The following FCN2 variants were observed in gnomAD, a reference collection of about 807,000 sequenced individuals.
The protein encoded by FCN2 is ficolin 2, also known as ficolin-2.
FCN2 carries 31 observed loss-of-function variants against 32.5 expected under a neutral mutation model. The ratio of observed to expected loss-of-function variants is 0.96; its 90% CI spans 0.72 to 1.29. The LOEUF is 1.29. FCN2 is among the 50% of genes most tolerant of loss of function. FCN2 has a pLI of 0.00. For synonymous variants in FCN2, 181 were observed against 164.5 expected (o/e 1.10, Z -0.77); for missense variants, 412 against 406.5 (o/e 1.01, Z -0.12).
At position 134,887,512 on chromosome 9, in the gene FCN2, C is replaced by G; in HGVS notation, c.*97C>G. The G allele has an allele frequency of 8.4e-7, 1 of 1,192,288 alleles. No homozygotes were observed. Among genetic ancestry groups the G allele is most frequent in the Non-Finnish European group, 1.2e-6 (1 of 819,216 alleles). The allele number at this position is 1,192,288 out of a possible 1,614,324, so 73.9% of individuals were successfully genotyped here. On this transcript the variant is annotated 3_prime_UTR_variant, in exon 8 of 8. Transcript: ENST00000291744. ...TACGGTTTGTAAAAGAAACACATGT[C>G]GTGATTCTAAATTGGGTTTGTCTTG... is the stretch of plus-strand genomic sequence containing the variant.
At chr9:134,872,195 G>A in the FCN2 span, among the ~76,000 whole-genome samples, 1,482 of 152,078 alleles carry the variant, frequency 9.7e-3, 28 homozygotes, top group African/African-American at 0.034. Flanking sequence ...GTCGTACCCC[G>A]TGTGTGGATG....
At chr9:134,870,802 A>G in the FCN2 span, among the ~76,000 whole-genome samples, 13 of 152,058 alleles carry the variant, frequency 8.5e-5, no homozygotes, top group Admixed American at 7.2e-4. This position sits in a 1 kb window ranked among gnomAD's most constrained non-coding sequence, Gnocchi z 4.3. Context: ...TTTTAGGACG[A>G]AGGTGGGGTG....
chr9:134,865,630 G>A, the FCN2 span, among the ~76,000 whole-genome samples: 3 of 148,410 alleles, frequency 2.0e-5, no homozygotes, highest in African/African-American at 7.5e-5. Flanking sequence ...AGCCAGGGGT[G>A]AGGACAGATA....
intron 1 of FCN2, 76 bp from the exon 2 acceptor site, chr9:134,882,450 T>A (rs1462515311): frequency 8.4e-7 from 1 of 1,194,392 alleles, no homozygotes; most frequent in East Asian, 2.3e-5. Flanking sequence ...TGCCTTTCAG[T>A]TGAGTGGTAT....
the FCN2 span, among the ~76,000 whole-genome samples, chr9:134,872,987 C>T: frequency 1.3e-5 from 2 of 152,138 alleles, no homozygotes; most frequent in African/African-American, 2.4e-5. Flanking sequence ...GGTGTGGTGA[C>T]GTCTCATCAC....
At chr9:134,879,498 G>T (rs961839791), upstream of FCN2, among the ~76,000 whole-genome samples, 1 of 152,112 alleles carries the variant, frequency 6.6e-6, no homozygotes, top group African/African-American at 2.4e-5. Flanking sequence ...TGGCTCCTCT[G>T]CAGGTGACTT....
the FCN2 span, among the ~76,000 whole-genome samples, chr9:134,867,961 T>C: frequency 6.6e-6 from 1 of 152,180 alleles, no homozygotes; most frequent in Non-Finnish European, 1.5e-5. Flanking sequence ...CATTCTCTAA[T>C]CCAACCCTGG....
Position 134,882,728 on chromosome 9 carries a change from A to C in FCN2, c.214+89A>C. 3 of 916,746 alleles carry C rather than the reference A, an allele frequency of 3.3e-6. No homozygotes were observed. The South Asian group carries it at 4.4e-5, about 14-fold the overall frequency. 56.8% of individuals were successfully genotyped at this position (916,746 alleles called of 1,614,324 possible). A position where few individuals can be genotyped will look rare whatever the true frequency, so the allele number is the denominator to read the frequency against. ...GCAACACCCCCACCATGGTTCCTAG[A>C]TCGAGAGCTGGGTCAGGCCCCTGCA... On this transcript the variant is annotated intron_variant, in intron 2 of 7. Coordinates refer to ENST00000291744, the MANE Select transcript of FCN2 (RefSeq NM_004108.3).
upstream of FCN2, among the ~76,000 whole-genome samples, chr9:134,879,520 G>A (rs1042338197): frequency 3.3e-5 from 5 of 152,150 alleles, no homozygotes; most frequent in Non-Finnish European, 5.9e-5. Context: ...AGGACTTTGA[G>A]GAAGATGCCC....
At chr9:134,882,668 G>A (rs1433299632) in intron 2 of FCN2, 29 bp downstream of exon 2, 1 of 1,482,610 alleles carries the variant, frequency 6.7e-7, no homozygotes, top group Admixed American at 1.7e-5. Flanking sequence ...GGGGGCACTG[G>A]CTCTTGCTCT....
rs377764102 is a variant in FCN2 at position 134,883,221 on chromosome 9, T to C, written c.215-81T>C. The stretch of plus-strand genomic sequence containing the variant: ...GCAGGGTCATGGTCATGATTGGAAA[T>C]GACAGCCGCCAGCTCCAGGGTGGGC... On this transcript the variant is annotated intron_variant, in intron 2 of 7. Transcript: ENST00000291744. The C allele has an allele frequency of 1.7e-5, 20 of 1,192,224 alleles. No individual in the cohort carries two copies. The African/African-American group carries it at 2.8e-4, about 17-fold the overall frequency. The allele number at this position is 1,192,224 out of a possible 1,614,324, so 73.9% of individuals were successfully genotyped here.
upstream of FCN2, among the ~76,000 whole-genome samples, chr9:134,880,607 C>T (rs1268509635): frequency 2.6e-5 from 4 of 152,128 alleles, no homozygotes; most frequent in African/African-American, 4.8e-5. Context: ...GGAAGGAGAC[C>T]GTCCCCCTGC....
the FCN2 span, among the ~76,000 whole-genome samples, chr9:134,871,985 T>C: frequency 8.1e-3 from 1,235 of 151,696 alleles, 24 homozygotes; most frequent in African/African-American, 0.028. Context: ...TCTGTGCTTT[T>C]CTCTGTCACT....
upstream of FCN2, among the ~76,000 whole-genome samples, chr9:134,876,968 A>T (rs1830609324): frequency 6.6e-6 from 1 of 152,242 alleles, no homozygotes; most frequent in Non-Finnish European, 1.5e-5. Flanking sequence ...AAGTGTCTTA[A>T]TATCTCCTTA....
the FCN2 span, among the ~76,000 whole-genome samples, chr9:134,871,860 C>T: frequency 8.2e-3 from 1,254 of 152,198 alleles, 24 homozygotes; most frequent in African/African-American, 0.029. Flanking sequence ...GAGGATGCAC[C>T]CGTGAAACCA....
rs753814127 is a variant in FCN2 at position 134,885,370 on chromosome 9, A to C, written c.429+4A>C. ...CACGGACGGAGGGGGCTGGACCGTG[A>C]GTGTGGGGCTGGGCAGAGGCGGTCA... On this transcript the variant is annotated splice_donor_region_variant and intron_variant, in intron 5 of 7. Transcript: ENST00000291744. 4 of 1,613,082 alleles carry C rather than the reference A, an allele frequency of 2.5e-6. No individual in the cohort carries two copies. Among genetic ancestry groups the C allele is most frequent in the Non-Finnish European group, 3.4e-6 (4 of 1,179,734 alleles).
rs780367191 is a variant in FCN2 at position 134,885,882 on chromosome 9, G to A, written c.544G>A (p.Ala182Thr). 4 of 1,613,040 alleles carry A rather than the reference G, an allele frequency of 2.5e-6. No individual in the cohort carries two copies. The highest frequency in any genetic ancestry group is 3.3e-4 in the Middle Eastern group (2 of 6,078). Reference protein sequence around the residue: ...EFWLGNDNIHALTAQGTSELR... With the variant: ...EFWLGNDNIHTLTAQGTSELR... ...CTGGCTGGGGAATGACAACATCCAC[G>A]CCCTGACCGCCCAGGGTAGGGCCGC... The change falls in exon 6 of 8, where the codon GCC (alanine) becomes ACC (threonine). Residue 182 changes from alanine to threonine, a missense_variant. Coordinates refer to ENST00000291744, the MANE Select transcript of FCN2 (RefSeq NM_004108.3).
At chr9:134,868,621 C>T in the FCN2 span, 2,014 of 152,510 alleles carry the variant, frequency 0.013, 38 homozygotes, top group South Asian at 0.093. The surrounding 1 kb of genome is among the most constrained non-coding windows in gnomAD (Gnocchi z 4.3). Context: ...AGGCATGGCC[C>T]GCAGAGCTTT....
At chr9:134,864,570 C>T in the FCN2 span, among the ~76,000 whole-genome samples, 8,071 of 152,240 alleles carry the variant, frequency 0.053, 262 homozygotes, top group African/African-American at 0.089. Flanking sequence ...GACCAGAGCC[C>T]CAGGGCTGAG....
Sources: allele counts gnomAD v4.1 joint callset (sites outside exome capture counted in the v4.1 genomes callset), GRCh38; gene constraint gnomAD v4.1.1; non-coding constraint Gnocchi (gnomAD v3.1); transcripts MANE v1.5; gene names NCBI Gene and HGNC (gene_info 2026-07-23, HGNC 2026-07-21).